Variants in SH3RF1 observed in about 807,000 individuals in gnomAD.
The protein encoded by SH3RF1 is E3 ubiquitin-protein ligase SH3RF1.
In SH3RF1, 32 loss-of-function variants were observed where a neutral mutation model predicts 74.0. The observed-to-expected ratio is 0.43, with a 90% CI of 0.33 to 0.58. The LOEUF (loss-of-function observed/expected upper bound fraction) is 0.58. Among genes scored for constraint, SH3RF1 ranks in the 20% least tolerant of loss-of-function variants. SH3RF1 has a pLI of 0.05. For missense variants in SH3RF1, 954 were observed against 1,130.9 expected (o/e 0.84, Z 2.24); for synonymous variants, 396 against 439.6 (o/e 0.90, Z 1.24).
intron 2 of SH3RF1, among the ~76,000 whole-genome samples, chr4:169,166,029 A>T (rs1304909687): frequency 6.6e-6 from 1 of 152,142 alleles, no homozygotes; most frequent in Non-Finnish European, 1.5e-5. Context: ...ACAAGAAATT[A>T]CCTTAGTGAT....
intron 2 of SH3RF1, among the ~76,000 whole-genome samples, chr4:169,258,382 G>A (rs1426491546): frequency 6.6e-6 from 1 of 152,190 alleles, no homozygotes; most frequent in Non-Finnish European, 1.5e-5. Context: ...TTCAGCTTCA[G>A]CAACATCACA....
At chr4:169,173,338 A>G (rs1734363548) in intron 2 of SH3RF1, among the ~76,000 whole-genome samples, 1 of 152,176 alleles carries the variant, frequency 6.6e-6, no homozygotes, top group South Asian at 2.1e-4. Context: ...CAAAATATTA[A>G]TATGACATTA....
At chr4:169,116,138 C>G in intron 10 of SH3RF1, 131 bp downstream of exon 10, 1 of 1,332,352 alleles carries the variant, frequency 7.5e-7, no homozygotes, top group Non-Finnish European at 1.0e-6. Flanking sequence ...CATAGTGACT[C>G]ACACGTAGGG....
At chr4:169,239,065 C>A (rs2127011687) in intron 2 of SH3RF1, among the ~76,000 whole-genome samples, 1 of 151,456 alleles carries the variant, frequency 6.6e-6, no homozygotes, top group East Asian at 2.0e-4. Context: ...CGTTCTGGGT[C>A]AATTCTTAAA....
At chr4:169,099,223 G>C (rs1732977210) in intron 11 of SH3RF1, among the ~76,000 whole-genome samples, 2 of 152,144 alleles carry the variant, frequency 1.3e-5, no homozygotes. Flanking sequence ...CTTCCGGCTG[G>C]GACTACAGGT....
Position 169,106,858 on chromosome 4 carries a change from G to T in SH3RF1, c.2487C>A (p.Val829=). 4 of 1,550,844 alleles carry T rather than the reference G, an allele frequency of 2.6e-6. No homozygotes were observed. The highest frequency in any genetic ancestry group is 2.4e-5 in the South Asian group (2 of 83,562). The part of the protein sequence containing the change: ...LGPVLNESRP[V]VCERHRVVVS... ...GAAGTTGAACTTACCTTTCACAAAC[G>T]ACAGGTCTAGACTCATTCAAGACAG... Residue 829 remains valine, a synonymous_variant, in exon 11 of 12, where the codon GTC becomes GTA. Transcript: ENST00000284637.
intron 10 of SH3RF1, among the ~76,000 whole-genome samples, chr4:169,114,710 G>A (rs928449888): frequency 4.6e-5 from 7 of 152,306 alleles, no homozygotes; most frequent in Non-Finnish European, 7.3e-5. Flanking sequence ...GTTGGCTTGA[G>A]TGCAAGTTTA....
At position 169,199,690 on chromosome 4, in the gene SH3RF1, C is replaced by T. The variant is rs369375989; in HGVS notation, c.394-43011G>A. 2.5e-3 allele frequency among the ~76,000 whole-genome samples: 377 copies of T among 151,918 alleles called. 2 individuals carry two copies. Among genetic ancestry groups the T allele is most frequent in the African/African-American group, 8.6e-3 (357 of 41,454 alleles). ...GAGCAGCTAGGAGGTTCTGTCACAG[C>T]TTCCAATCCACTGGGAATAAGAAAA... On this transcript the variant is annotated intron_variant, in intron 2 of 11. Transcript: ENST00000284637.
intron 2 of SH3RF1, among the ~76,000 whole-genome samples, chr4:169,191,935 A>C (rs190600231): frequency 2.4e-4 from 37 of 152,326 alleles, no homozygotes; most frequent in African/African-American, 6.7e-4. Context: ...AACTATAAAA[A>C]TTCTTGAAGA....
chr4:169,198,396 A>T (rs572091371), intron 2 of SH3RF1, among the ~76,000 whole-genome samples: 12 of 152,194 alleles, frequency 7.9e-5, no homozygotes, highest in Non-Finnish European at 1.8e-4. Flanking sequence ...AATATGCTGT[A>T]ATTTTCCATA....
intron 2 of SH3RF1, among the ~76,000 whole-genome samples, chr4:169,180,715 A>C (rs1734495876): frequency 6.6e-6 from 1 of 152,244 alleles, no homozygotes; most frequent in Non-Finnish European, 1.5e-5. Context: ...ATCGTTAAAA[A>C]AAATTATATT....
At chr4:169,256,759 G>A (rs986988010) in intron 2 of SH3RF1, among the ~76,000 whole-genome samples, 7 of 151,906 alleles carry the variant, frequency 4.6e-5, no homozygotes, top group Non-Finnish European at 8.8e-5. Context: ...ACCATGCCCA[G>A]CTAATTTAAA....
intron 10 of SH3RF1, among the ~76,000 whole-genome samples, chr4:169,109,752 G>A (rs184695373): frequency 2.0e-5 from 3 of 152,268 alleles, no homozygotes; most frequent in Non-Finnish European, 4.4e-5. Flanking sequence ...GCTCACACCT[G>A]TAATTCTAGC....
chr4:169,233,398 A>C (rs1292847389), intron 2 of SH3RF1, among the ~76,000 whole-genome samples: 1 of 152,214 alleles, frequency 6.6e-6, no homozygotes, highest in Non-Finnish European at 1.5e-5. Context: ...TCAAAGAATT[A>C]GAATAAAATA....
At chr4:169,251,963 C>T (rs989100397) in intron 2 of SH3RF1, among the ~76,000 whole-genome samples, 14 of 152,208 alleles carry the variant, frequency 9.2e-5, no homozygotes, top group African/African-American at 3.4e-4. Context: ...TTTGATCATA[C>T]ATGTGTTTGT....
intron 4 of SH3RF1, among the ~76,000 whole-genome samples, chr4:169,149,824 G>T (rs947803198): frequency 3.9e-5 from 6 of 152,196 alleles, no homozygotes; most frequent in South Asian, 4.2e-4. Context: ...TAGATCAAAG[G>T]TTATTATTGT....
At chr4:169,233,955 T>G (rs1730784872) in intron 2 of SH3RF1, among the ~76,000 whole-genome samples, 2 of 152,184 alleles carry the variant, frequency 1.3e-5, no homozygotes, top group Non-Finnish European at 2.9e-5. Flanking sequence ...TTCCCCATCC[T>G]GTATTCTGAG....
Position 169,106,902 on chromosome 4 carries a change from C to A in SH3RF1, c.2443G>T (p.Ala815Ser), listed in dbSNP as rs1323962733. 3 of 1,613,292 alleles carry A rather than the reference C, an allele frequency of 1.9e-6. No individual in the cohort carries two copies. In the Admixed American group the frequency reaches 5.0e-5, roughly 27 times the overall value. Residue 815 changes from alanine to serine, a missense_variant, in exon 11 of 12, where the codon GCC becomes TCC. Around this residue, in one of 3 missense-constraint regions of SH3RF1, gnomAD observed 854 missense variants for 962.5 expected, o/e 0.89. Transcript: ENST00000284637. ...AVPIAPPPRQ[A>S]CSSLGPVLNE... ...AAGACAGGACCCAGGGAGGAACAGG[C>A]CTGGCGAGGAGGTGGAGCGATGGGA...
intron 2 of SH3RF1, among the ~76,000 whole-genome samples, chr4:169,254,618 A>G (rs1226182812): frequency 6.6e-6 from 1 of 152,194 alleles, no homozygotes; most frequent in Non-Finnish European, 1.5e-5. Context: ...TCTAAGGAAA[A>G]GAGAAAATCT....
Sources: gnomAD v4.1 joint callset for allele counts (sites outside exome capture counted in the v4.1 genomes callset) on GRCh38, gnomAD v4.1.1 for gene constraint, gnomAD v4.1.1 regional missense constraint, MANE v1.5 for transcripts, NCBI Gene and HGNC (gene_info 2026-07-23, HGNC 2026-07-21) for gene names.